RORC: variants seen among roughly 807,000 people sequenced by gnomAD.
RORC encodes the protein nuclear receptor ROR-gamma.
RORC carries 13 observed loss-of-function variants against 64.5 expected under a neutral mutation model. The observed-to-expected ratio is 0.20, with a 90% confidence interval of 0.13 to 0.32. The LOEUF (loss-of-function observed/expected upper bound fraction) is 0.32. Ranked by LOEUF, RORC falls within the 10% of genes least tolerant of loss-of-function variation. RORC has a pLI of 1.00. For missense variants in RORC, 468 were observed against 669.5 expected (o/e 0.70, Z 3.32); for synonymous variants, 277 against 259.3 (o/e 1.07, Z -0.65).
At chr1:151,831,510 TTCTC>T in intron 1 of RORC, 1 of 336,250 alleles carries the variant, frequency 3.0e-6, no homozygotes, top group Non-Finnish European at 4.2e-6. Context: ...TCTTTCCTGT[TTCTC>T]TCCTTTTGCG....
chr1:151,816,953 A>G, intron 3 of RORC, 148 bp from the exon 4 acceptor site: 2 of 963,040 alleles, frequency 2.1e-6, no homozygotes, highest in Non-Finnish European at 2.9e-6. Flanking sequence ...TGTAATTGCA[A>G]TTTATCCTGT....
intron 10 of RORC, among the ~76,000 whole-genome samples, chr1:151,810,880 G>C (rs1558163249): frequency 6.6e-6 from 1 of 152,230 alleles, no homozygotes; most frequent in Non-Finnish European, 1.5e-5. Flanking sequence ...GGGTTGCCAT[G>C]AGGATGAGAA....
chr1:151,808,290 G>A (rs1292190863), intron 10 of RORC, among the ~76,000 whole-genome samples: 1 of 152,226 alleles, frequency 6.6e-6, no homozygotes, highest in Non-Finnish European at 1.5e-5. Flanking sequence ...AACACTGCAA[G>A]TAGCAAACCA....
chr1:151,823,293 G>C (rs1453305378), intron 2 of RORC, among the ~76,000 whole-genome samples: 1 of 152,150 alleles, frequency 6.6e-6, no homozygotes, highest in African/African-American at 2.4e-5. Flanking sequence ...ACACCCCTCG[G>C]CCTCCCACCT....
chr1:151,817,361 G>C (rs1651804894), intron 2 of RORC, 81 bp from the exon 3 acceptor site: 1 of 934,526 alleles, frequency 1.1e-6, no homozygotes, highest in Non-Finnish European at 1.8e-6. Flanking sequence ...GCAGATACAG[G>C]TACCTGGTGC....
chr1:151,825,955 C>A (rs766368670), intron 2 of RORC: 2 of 1,613,172 alleles, frequency 1.2e-6, no homozygotes, highest in East Asian at 4.5e-5. Context: ...CTTGGCTCTG[C>A]CGGCCTTGGC....
chr1:151,806,376 A>G lies in RORC; in HGVS notation c.*1096T>C. ...CTGCTTCCTTCTCCACAACAAGAGC[A>G]GGGCTGGCGGGCAGGCCAGGAAAGT... On this transcript the variant is annotated 3_prime_UTR_variant, in exon 11 of 11. Transcript: ENST00000318247. 6.5e-6 allele frequency: 1 copy of G among 153,700 alleles called. No homozygotes were observed. The highest frequency in any genetic ancestry group is 1.5e-5 in the Non-Finnish European group (1 of 68,088). The allele number at this position is 153,700 out of a possible 1,614,324, so 9.5% of individuals were successfully genotyped here.
rs1196624164 is a variant in RORC at position 151,830,728 on chromosome 1, G to A, written c.40+997C>T. ...TGGTCACTAGGCTGTGTGGAGGCGA[G>A]TGGCCTGATGGCCTGGGCTCTGCTG... On this transcript the variant is annotated intron_variant, in intron 1 of 10. Coordinates refer to ENST00000318247, the MANE Select transcript of RORC (RefSeq NM_005060.4). The surrounding 1 kb of genome is among the most constrained non-coding windows in gnomAD (Gnocchi z 4.0). Among the ~76,000 whole-genome samples, 1 of 151,982 alleles carries A rather than the reference G, an allele frequency of 6.6e-6. No individual in the cohort carries two copies. Among genetic ancestry groups the A allele is most frequent in the Non-Finnish European group, 1.5e-5 (1 of 68,016 alleles).
chr1:151,828,978 C>CAA (rs371746426), intron 2 of RORC, among the ~76,000 whole-genome samples: 16 of 130,764 alleles, frequency 1.2e-4, no homozygotes, highest in African/African-American at 4.0e-4. Flanking sequence ...GACTCTGTCT[C>CAA]AAAAAAAAAA....
rs752082597 is a variant in RORC at position 151,814,701 on chromosome 1, G to T, written c.812-6C>A. ...GACGCTCTGCACCAGGTGCTCTGGG[G>T]CCGGAGAAGGAAGGCATGGCTTGAT... On this transcript the variant is annotated splice_region_variant and splice_polypyrimidine_tract_variant and intron_variant, in intron 5 of 10. Coordinates refer to ENST00000318247, the MANE Select transcript of RORC (RefSeq NM_005060.4). 8 of 1,602,820 alleles carry T rather than the reference G, an allele frequency of 5.0e-6. No individual in the cohort carries two copies. The South Asian group carries it at 8.8e-5, about 18-fold the overall frequency.
At chr1:151,829,694 A>G (rs1652333652) in intron 1 of RORC, among the ~76,000 whole-genome samples, 1 of 152,160 alleles carries the variant, frequency 6.6e-6, no homozygotes, top group Non-Finnish European at 1.5e-5. Context: ...GACTCCCCCA[A>G]GCTGCTCCTT....
chr1:151,822,651 C>T (rs1005415605), intron 2 of RORC, among the ~76,000 whole-genome samples: 2 of 152,212 alleles, frequency 1.3e-5, no homozygotes, highest in African/African-American at 4.8e-5. Flanking sequence ...TCACCATCAG[C>T]ACCTTCCCTG....
intron 2 of RORC, among the ~76,000 whole-genome samples, chr1:151,822,036 T>G (rs1011680805): frequency 2.0e-5 from 3 of 152,032 alleles, no homozygotes; most frequent in Admixed American, 6.5e-5. Context: ...TAGACTAGGT[T>G]TCCATACATC....
chr1:151,816,854 G>A, intron 3 of RORC, 49 bp from the exon 4 acceptor site: 2 of 1,463,864 alleles, frequency 1.4e-6, no homozygotes, highest in Admixed American at 5.2e-5. Flanking sequence ...GTCAGGCCCA[G>A]CTCACTCACA....
Position 151,807,583 on chromosome 1 carries a change from C to T in RORC, c.1446G>A (p.Arg482=). The T allele has an allele frequency of 6.2e-7, 1 of 1,613,910 alleles. No homozygotes were observed. The highest frequency in any genetic ancestry group is 8.5e-7 in the Non-Finnish European group (1 of 1,179,934). ...GGTGGAGGTGCTGGAAGATCTGCAG[C>T]CTTTCCACATGCTGGCTACACAGGC... is the stretch of plus-strand genomic sequence containing the variant. ...LRSLCSQHVE[R]LQIFQHLHPI... is the part of the protein sequence containing the mutation. The change falls in exon 11 of 11, where the codon AGG becomes AGA. Residue 482 remains arginine, a synonymous_variant. Transcript: ENST00000318247. This position sits in a 1 kb window ranked among gnomAD's most constrained non-coding sequence, Gnocchi z 5.0.
intron 8 of RORC, 52 bp from the exon 9 acceptor site, chr1:151,813,109 C>T (rs757379572): frequency 5.4e-6 from 8 of 1,487,684 alleles, no homozygotes; most frequent in East Asian, 4.5e-5. Flanking sequence ...CGATGGTGCC[C>T]GAGGACACCG....
chr1:151,829,491 G>A, intron 1 of RORC, 33 bp from the exon 2 acceptor site: 1 of 1,503,064 alleles, frequency 6.7e-7, no homozygotes, highest in South Asian at 1.3e-5. Context: ...TGACGTCAAA[G>A]GTTGAAGATC....
chr1:151,827,836 T>C (rs531207323), intron 2 of RORC, among the ~76,000 whole-genome samples: 4 of 152,248 alleles, frequency 2.6e-5, no homozygotes, highest in Admixed American at 1.3e-4. Context: ...TAAGGAGGTA[T>C]AGTCCTGGCT....
intron 2 of RORC, among the ~76,000 whole-genome samples, chr1:151,829,050 T>G (rs2101678716): frequency 6.6e-6 from 1 of 151,194 alleles, no homozygotes; most frequent in East Asian, 1.9e-4. Flanking sequence ...CCTGAGTTCC[T>G]GAGGCCACCC....
Sources: allele counts gnomAD v4.1 joint callset (sites outside exome capture counted in the v4.1 genomes callset), GRCh38; gene constraint gnomAD v4.1.1; non-coding constraint Gnocchi (gnomAD v3.1); transcripts MANE v1.5; gene names NCBI Gene and HGNC (gene_info 2026-07-23, HGNC 2026-07-21).